Variants in ERICH1 observed in about 807,000 individuals in gnomAD.
ERICH1 encodes glutamate-rich protein 1.
A neutral mutation model predicts 39.6 loss-of-function variants in ERICH1; 56 were observed. The observed-to-expected ratio is 1.41, with a 90% CI of 1.14 to 1.77. The LOEUF is 1.77. Among genes scored for constraint, ERICH1 ranks in the 40% most tolerant of loss-of-function variants. ERICH1 has a pLI of 0.00. For synonymous variants in ERICH1, 313 were observed against 223.6 expected (o/e 1.40, Z -3.57); for missense variants, 826 against 575.4 (o/e 1.44, Z -4.45).
At chr8:683,506 C>T (rs1806608840) in intron 3 of ERICH1, among the ~76,000 whole-genome samples, 1 of 152,184 alleles carries the variant, frequency 6.6e-6, no homozygotes, top group African/African-American at 2.4e-5. Context: ...AATGGATTCT[C>T]GCTCTCTCTC....
At chr8:717,340 G>A (rs910829104) in intron 1 of ERICH1, among the ~76,000 whole-genome samples, 7 of 152,178 alleles carry the variant, frequency 4.6e-5, no homozygotes, top group Non-Finnish European at 8.8e-5. Flanking sequence ...TGGCTGTGGT[G>A]AGCGGGTCCC....
chr8:617,134 T>A (rs1394505258), intron 3 of ERICH1, among the ~76,000 whole-genome samples: 2 of 152,066 alleles, frequency 1.3e-5, no homozygotes, highest in East Asian at 3.9e-4. Context: ...GCTAGGAAAC[T>A]GAGAAAGAAA....
intron 3 of ERICH1, chr8:656,944 C>T: frequency 5.8e-6 from 4 of 690,584 alleles, no homozygotes; most frequent in Non-Finnish European, 7.1e-6. Flanking sequence ...CTAAATAATG[C>T]ATTTTAGTGC....
chr8:726,718 G>A (rs1818790398), intron 1 of ERICH1, among the ~76,000 whole-genome samples: 1 of 147,824 alleles, frequency 6.8e-6, no homozygotes, highest in South Asian at 2.2e-4. Context: ...ACACACACAG[G>A]CACACACAGG....
At chr8:692,697 T>C in intron 2 of ERICH1, 85 bp from the exon 3 acceptor site, 1 of 1,379,722 alleles carries the variant, frequency 7.2e-7, no homozygotes, top group Non-Finnish European at 9.6e-7. Flanking sequence ...CGGCATTGTT[T>C]CTCTAAATTC....
intron 3 of ERICH1, among the ~76,000 whole-genome samples, chr8:657,306 G>C (rs1351947983): frequency 6.6e-6 from 1 of 152,134 alleles, no homozygotes; most frequent in Non-Finnish European, 1.5e-5. Flanking sequence ...CCGGGAAGGG[G>C]AGCTTATTGC....
chr8:698,269 A>T (rs1026214859), intron 2 of ERICH1, among the ~76,000 whole-genome samples: 4 of 148,904 alleles, frequency 2.7e-5, no homozygotes, highest in African/African-American at 5.0e-5. Context: ...CCCAGGCTGG[A>T]GTGCAGCGGC....
At chr8:668,133 T>G (rs755840745) in intron 5 of ERICH1, 4 of 229,204 alleles carry the variant, frequency 1.7e-5, no homozygotes, top group African/African-American at 4.6e-5. Flanking sequence ...TGGGAAGACA[T>G]GAGCACAGCT....
chr8:632,711 G>C (rs1798120095), intron 3 of ERICH1, among the ~76,000 whole-genome samples: 1 of 152,210 alleles, frequency 6.6e-6, no homozygotes, highest in South Asian at 2.1e-4. Context: ...CCAGTGCTCA[G>C]AGACACACAA....
At chr8:706,343 A>G (rs1210284827) in intron 2 of ERICH1, among the ~76,000 whole-genome samples, 1 of 152,250 alleles carries the variant, frequency 6.6e-6, no homozygotes, top group Non-Finnish European at 1.5e-5. Flanking sequence ...AACACTGAAC[A>G]TTCCCAAAAG....
chr8:709,341 A>G (rs1814162708), intron 2 of ERICH1, among the ~76,000 whole-genome samples: 1 of 152,168 alleles, frequency 6.6e-6, no homozygotes, highest in Non-Finnish European at 1.5e-5. Context: ...CACCGAGGGA[A>G]CCGAAGCAGG....
chr8:713,688 G>T (rs1411429791), intron 2 of ERICH1, among the ~76,000 whole-genome samples: 1 of 152,166 alleles, frequency 6.6e-6, no homozygotes, highest in Admixed American at 6.5e-5. Context: ...GATCTGACCT[G>T]TGGGGCTGGA....
At chr8:720,214 A>C (rs1816972567) in intron 1 of ERICH1, among the ~76,000 whole-genome samples, 1 of 152,230 alleles carries the variant, frequency 6.6e-6, no homozygotes, top group South Asian at 2.1e-4. Flanking sequence ...AGGCAAATGC[A>C]GGCCGCGCAG....
chr8:642,579 C>T (rs972703702), intron 3 of ERICH1, among the ~76,000 whole-genome samples: 13 of 151,882 alleles, frequency 8.6e-5, no homozygotes, highest in African/African-American at 2.4e-4. Flanking sequence ...CTTCTGACCT[C>T]GTGATCTGCC....
intron 3 of ERICH1, among the ~76,000 whole-genome samples, chr8:617,194 A>G (rs1382060804): frequency 6.6e-6 from 1 of 152,134 alleles, no homozygotes; most frequent in African/African-American, 2.4e-5. Context: ...ACACGATTCC[A>G]AGAGGCACTG....
Position 664,629 on chromosome 8 carries a change from T to C in ERICH1, c.1306A>G (p.Ile436Val). Residue 436 changes from isoleucine (I) to valine (V), a missense_variant, in exon 6 of 6, where the codon ATC becomes GTC. Transcript: ENST00000262109. The stretch of plus-strand genomic sequence containing the variant: ...TAGTCACTGCTCTTCTCAGGAAGGA[T>C]ATGTGTGATCCAGTAACTAAAGAAA... ...SAFFSYWITH[I>V]LPEKSSD 6.2e-7 allele frequency: 1 copy of C among 1,613,042 alleles called. No homozygotes were observed.
intron 3 of ERICH1, chr8:637,459 G>C (rs1798529642): frequency 6.6e-6 from 1 of 152,346 alleles, no homozygotes; most frequent in Non-Finnish European, 1.5e-5. Flanking sequence ...CGCCACTCCT[G>C]GGGTGGATTT....
At chr8:624,196 T>TCGAAACCA (rs1797458383) in intron 3 of ERICH1, among the ~76,000 whole-genome samples, 1 of 152,058 alleles carries the variant, frequency 6.6e-6, no homozygotes, top group East Asian at 1.9e-4. Flanking sequence ...CAATGAGACA[T>TCGAAACCA]CAGCTCAAAC....
intron 3 of ERICH1, among the ~76,000 whole-genome samples, chr8:649,682 C>T (rs571385375): frequency 2.0e-5 from 3 of 152,300 alleles, no homozygotes; most frequent in Admixed American, 2.0e-4. Context: ...GAAGCACTGC[C>T]TCCAGGAGGC....
Sources: gnomAD v4.1 joint callset for allele counts (sites outside exome capture counted in the v4.1 genomes callset) on GRCh38, gnomAD v4.1.1 for gene constraint, MANE v1.5 for transcripts, NCBI Gene and HGNC (gene_info 2026-07-23, HGNC 2026-07-21) for gene names.